EPHA6: variants seen among roughly 807,000 people sequenced by gnomAD.
The protein encoded by EPHA6 is EPH receptor A6.
EPHA6 carries 50 observed loss-of-function variants against 112.0 expected under a neutral mutation model. The ratio of observed to expected loss-of-function variants is 0.45; its 90% CI spans 0.36 to 0.56. EPHA6 has a LOEUF of 0.56. EPHA6 is among the 20% of genes least tolerant of loss of function. The pLI, the probability that EPHA6 is intolerant of heterozygous loss-of-function variation, is 0.00. For missense variants in EPHA6, 1,280 were observed against 1,417.4 expected, an observed-to-expected ratio of 0.90 and a Z score of 1.56; for synonymous variants, 529 against 490.7, an observed-to-expected ratio of 1.08 and a Z score of -1.03.
intron 3 of EPHA6, among the ~76,000 whole-genome samples, chr3:97,058,048 TA>T (rs142071565): frequency 0.065 from 9,837 of 152,198 alleles, 335 homozygotes; most frequent in Middle Eastern, 0.13. Context: ...TTTTTAGTTG[TA>T]AAAAGTGAAA....
At chr3:97,249,342 C>G (rs145556369) in intron 5 of EPHA6, among the ~76,000 whole-genome samples, 1 of 152,242 alleles carries the variant, frequency 6.6e-6, no homozygotes, top group East Asian at 1.9e-4. Flanking sequence ...CTAATCATTA[C>G]TAAATCATGA....
At chr3:96,981,461 A>G (rs960239175) in intron 2 of EPHA6, among the ~76,000 whole-genome samples, 1 of 152,072 alleles carries the variant, frequency 6.6e-6, no homozygotes, top group Non-Finnish European at 1.5e-5. Flanking sequence ...CCAGGATTTT[A>G]TTGAGGATTT....
intron 1 of EPHA6, among the ~76,000 whole-genome samples, chr3:96,826,845 C>T (rs989837284): frequency 3.9e-5 from 6 of 151,964 alleles, no homozygotes; most frequent in African/African-American, 1.4e-4. Context: ...ACACATTGGT[C>T]GGTAGGCAAT....
At chr3:97,314,278 C>A (rs1177638515) in intron 5 of EPHA6, among the ~76,000 whole-genome samples, 3 of 151,504 alleles carry the variant, frequency 2.0e-5, no homozygotes, top group Non-Finnish European at 4.4e-5. Context: ...ATTACAGTAG[C>A]TTTATAATCA....
intron 14 of EPHA6, among the ~76,000 whole-genome samples, chr3:97,703,194 A>G (rs1319738114): frequency 2.0e-5 from 3 of 152,182 alleles, no homozygotes; most frequent in Non-Finnish European, 2.9e-5. Context: ...TTGATAATGC[A>G]AAACTGGGCC....
At chr3:97,662,534 C>A (rs1229938793) in intron 14 of EPHA6, among the ~76,000 whole-genome samples, 1 of 152,130 alleles carries the variant, frequency 6.6e-6, no homozygotes, top group Non-Finnish European at 1.5e-5. Flanking sequence ...CAGTTCATCT[C>A]CCAGCTCAAT....
At chr3:97,166,884 A>G (rs2076555040) in intron 3 of EPHA6, among the ~76,000 whole-genome samples, 1 of 152,168 alleles carries the variant, frequency 6.6e-6, no homozygotes, top group South Asian at 2.1e-4. Flanking sequence ...AAACAGTGAA[A>G]CATAATCAGA....
intron 3 of EPHA6, among the ~76,000 whole-genome samples, chr3:97,027,296 A>C (rs1377173786): frequency 6.6e-6 from 1 of 152,088 alleles, no homozygotes; most frequent in Non-Finnish European, 1.5e-5. Flanking sequence ...CAGAGGGTGG[A>C]GGGTTAGAGG....
At chr3:97,601,974 G>A (rs2093646865) in intron 12 of EPHA6, among the ~76,000 whole-genome samples, 1 of 151,946 alleles carries the variant, frequency 6.6e-6, no homozygotes, top group African/African-American at 2.4e-5. Context: ...GTAAAGCGTA[G>A]CATTTGAAAT....
intron 2 of EPHA6, among the ~76,000 whole-genome samples, chr3:96,899,488 G>T (rs2038484423): frequency 6.6e-6 from 1 of 152,070 alleles, no homozygotes; most frequent in Non-Finnish European, 1.5e-5. Context: ...TTCTACTTTT[G>T]ATTTAAAGCA....
At chr3:97,176,731 G>T (rs1041627700) in intron 3 of EPHA6, among the ~76,000 whole-genome samples, 1 of 151,790 alleles carries the variant, frequency 6.6e-6, no homozygotes, top group Non-Finnish European at 1.5e-5. Context: ...TGCAGTATTA[G>T]TTGTAATGTC....
chr3:97,622,521 A>G (rs1231925961), intron 13 of EPHA6, among the ~76,000 whole-genome samples: 1 of 151,776 alleles, frequency 6.6e-6, no homozygotes, highest in African/African-American at 2.4e-5. Flanking sequence ...TATTGCTTTC[A>G]TGTTTTAGCT....
chr3:97,214,032 T>TGA (rs1328519658), intron 3 of EPHA6, among the ~76,000 whole-genome samples: 28 of 136,898 alleles, frequency 2.0e-4, no homozygotes, highest in African/African-American at 8.4e-4. Context: ...TGTGTGTGTG[T>TGA]GTGTGTGAGA....
chr3:97,179,642 A>G (rs2076929211), intron 3 of EPHA6, among the ~76,000 whole-genome samples: 2 of 151,876 alleles, frequency 1.3e-5, no homozygotes, highest in Admixed American at 6.6e-5. Context: ...ATGATCTTGG[A>G]CAAGGTCCAG....
chr3:97,648,368 G>A (rs2094082892), intron 14 of EPHA6: 1 of 1,581,000 alleles, frequency 6.3e-7, no homozygotes, highest in African/African-American at 1.5e-5. Context: ...GGTCTAAGAA[G>A]ACATAGCCTA....
At position 97,243,907 on chromosome 3, in the gene EPHA6, A is replaced by G. The variant is rs376836753; in HGVS notation, c.1271-45A>G. On this transcript the variant is annotated intron_variant, in intron 4 of 17. Coordinates refer to ENST00000389672, the MANE Select transcript of EPHA6 (RefSeq NM_001080448.3). ...AGTTTTCATTTTAGCGCCATAATTC[A>G]TTGTCCTATATATGTACATTTGTTT... The G allele has an allele frequency of 1.2e-4, 169 of 1,391,964 alleles. 2 individuals are homozygous for G. Among genetic ancestry groups the G allele is most frequent in the Admixed American group, 3.8e-4 (15 of 39,402 alleles). The allele number at this position is 1,391,964 out of a possible 1,614,324, so 86.2% of individuals were successfully genotyped here.
intron 2 of EPHA6, among the ~76,000 whole-genome samples, chr3:96,935,028 A>T (rs979414697): frequency 1.1e-4 from 17 of 151,764 alleles, no homozygotes; most frequent in African/African-American, 3.9e-4. Flanking sequence ...TGGTTCTCTA[A>T]TGTCTACCCA....
intron 5 of EPHA6, among the ~76,000 whole-genome samples, chr3:97,349,986 G>C (rs922804968): frequency 6.7e-6 from 1 of 149,488 alleles, no homozygotes; most frequent in East Asian, 2.0e-4. Flanking sequence ...GCCAGTTTTT[G>C]GTCTAAGAGG....
intron 2 of EPHA6, among the ~76,000 whole-genome samples, chr3:96,895,708 T>C (rs10470429): frequency 1 from 152,288 of 152,288 alleles, 76,144 homozygotes; most frequent in Non-Finnish European, 1. Flanking sequence ...AAATATTTAC[T>C]GTTGTGTTAC....
Sources: allele counts gnomAD v4.1 joint callset (sites outside exome capture counted in the v4.1 genomes callset), GRCh38; gene constraint gnomAD v4.1.1; transcripts MANE v1.5; gene names NCBI Gene and HGNC (gene_info 2026-07-23, HGNC 2026-07-21).